Variants in THEMIS observed in about 807,000 individuals in gnomAD.
The protein encoded by THEMIS is thymocyte selection associated, also known as protein THEMIS.
A neutral mutation model predicts 52.6 loss-of-function variants in THEMIS; 37 were observed. That is an observed-to-expected ratio of 0.70 (90% CI 0.54 to 0.93). The LOEUF is 0.93. Ranked by LOEUF, THEMIS falls within the 40% of genes least tolerant of loss-of-function variation. The pLI, the probability that THEMIS is intolerant of heterozygous loss-of-function variation, is 0.00. For missense variants in THEMIS, 808 were observed against 763.1 expected (o/e 1.06, Z -0.69); for synonymous variants, 292 against 272.7 (o/e 1.07, Z -0.70).
At chr6:127,800,985 G>C (rs555915128) in intron 4 of THEMIS, among the ~76,000 whole-genome samples, 3 of 152,122 alleles carry the variant, frequency 2.0e-5, no homozygotes, top group Non-Finnish European at 4.4e-5. Flanking sequence ...AAGTTCTTTC[G>C]TTGGTTTTGG....
intron 4 of THEMIS, among the ~76,000 whole-genome samples, chr6:127,754,059 T>G (rs902968915): frequency 1.3e-5 from 2 of 152,194 alleles, no homozygotes; most frequent in Admixed American, 1.3e-4. Flanking sequence ...ACATTGAATA[T>G]GTGCAGATTT....
intron 4 of THEMIS, among the ~76,000 whole-genome samples, chr6:127,796,736 T>C (rs1777341749): frequency 6.6e-6 from 1 of 152,190 alleles, no homozygotes; most frequent in South Asian, 2.1e-4. Flanking sequence ...CACACATAAA[T>C]ACATGGGTAT....
intron 4 of THEMIS, among the ~76,000 whole-genome samples, chr6:127,767,292 A>C (rs1222315825): frequency 2.0e-5 from 3 of 152,032 alleles, no homozygotes; most frequent in Non-Finnish European, 2.9e-5. Context: ...CTGTTTCACC[A>C]TGTTGGCCAG....
rs1208856463 is a variant in THEMIS at position 127,709,866 on chromosome 6, G to A, written c.*119C>T. The A allele has an allele frequency of 4.5e-5, 37 of 815,640 alleles. No homozygotes were observed. Among genetic ancestry groups the A allele is most frequent in the Admixed American group, 2.7e-4 (9 of 33,164 alleles). 50.5% of individuals were successfully genotyped at this position (815,640 alleles called of 1,614,324 possible). A position where few individuals can be genotyped will look rare whatever the true frequency, so the allele number is the denominator to read the frequency against. On this transcript the variant is annotated 3_prime_UTR_variant, in exon 6 of 6. Coordinates refer to ENST00000368248, the MANE Select transcript of THEMIS (RefSeq NM_001010923.3). Reference sequence around the variant, plus strand: ...TTAAGGTTGTTCTTTCCTTTGCAGCGATGAATCAAGTTTCTTCTGGAGTCC... The same window carrying A: ...TTAAGGTTGTTCTTTCCTTTGCAGCAATGAATCAAGTTTCTTCTGGAGTCC...
Position 127,739,423 on chromosome 6 carries a change from G to A in THEMIS, c.1759-19600C>T, listed in dbSNP as rs1250343944. On this transcript the variant is annotated intron_variant, in intron 4 of 5. Transcript: ENST00000368248. Reference sequence around the variant, plus strand: ...AGCACTTTGGGAGGCCAAGGCAGGCGGATAACGAGGTCAGGAGATTGAGAC... The same window carrying A: ...AGCACTTTGGGAGGCCAAGGCAGGCAGATAACGAGGTCAGGAGATTGAGAC... Among the ~76,000 whole-genome samples the A allele has an allele frequency of 3.9e-5, 6 of 152,126 alleles. 1 individual carries two copies. The East Asian group carries it at 1.2e-3, about 29-fold the overall frequency.
At chr6:127,878,919 T>C (rs1780395257) in intron 1 of THEMIS, among the ~76,000 whole-genome samples, 3 of 152,208 alleles carry the variant, frequency 2.0e-5, no homozygotes, top group Non-Finnish European at 2.9e-5. Context: ...CAGTAGTTAA[T>C]TTCCACTGTC....
chr6:127,798,970 C>A (rs1330772304), intron 4 of THEMIS, among the ~76,000 whole-genome samples: 1 of 131,392 alleles, frequency 7.6e-6, no homozygotes. Flanking sequence ...CCAGCCTGGG[C>A]GACAGAGCGA....
chr6:127,914,170 A>C (rs964620545), intron 1 of THEMIS, among the ~76,000 whole-genome samples: 54 of 152,304 alleles, frequency 3.5e-4, no homozygotes, highest in Middle Eastern at 3.4e-3. Context: ...TTTGACTTCA[A>C]CATGAGGCTA....
chr6:127,775,637 CTT>C (rs1170881603), intron 4 of THEMIS, among the ~76,000 whole-genome samples: 16 of 141,304 alleles, frequency 1.1e-4, no homozygotes, highest in Admixed American at 1.4e-4. Flanking sequence ...TTATTTCATG[CTT>C]TTTTTTTTTT....
intron 2 of THEMIS, among the ~76,000 whole-genome samples, chr6:127,840,648 C>A (rs990467593): frequency 3.9e-5 from 6 of 152,070 alleles, no homozygotes; most frequent in African/African-American, 1.4e-4. Flanking sequence ...AAATCCTGCA[C>A]ATGAATGTTT....
chr6:127,782,806 A>G (rs768151128), intron 4 of THEMIS, among the ~76,000 whole-genome samples: 15 of 152,196 alleles, frequency 9.9e-5, no homozygotes, highest in Non-Finnish European at 1.8e-4. Flanking sequence ...AAAAATGGCC[A>G]TACTGCCCAA....
chr6:127,820,274 A>T (rs571484872), intron 3 of THEMIS, among the ~76,000 whole-genome samples: 1 of 152,222 alleles, frequency 6.6e-6, no homozygotes, highest in Middle Eastern at 3.4e-3. Flanking sequence ...GAGGATAAAG[A>T]CATTTTATGA....
intron 4 of THEMIS, among the ~76,000 whole-genome samples, chr6:127,811,327 T>C (rs1458279658): frequency 6.6e-6 from 1 of 152,222 alleles, no homozygotes; most frequent in Non-Finnish European, 1.5e-5. Flanking sequence ...CTGGAGACTC[T>C]GGGAAAGAAT....
chr6:127,737,373 G>T (rs1184317774), intron 4 of THEMIS, among the ~76,000 whole-genome samples: 1 of 152,120 alleles, frequency 6.6e-6, no homozygotes, highest in Non-Finnish European at 1.5e-5. Context: ...AGCCTCTCAA[G>T]ATCACAGTTG....
intron 3 of THEMIS, among the ~76,000 whole-genome samples, chr6:127,826,595 A>G (rs908606078): frequency 7.2e-5 from 11 of 152,230 alleles, no homozygotes; most frequent in African/African-American, 2.7e-4. Flanking sequence ...TTATCAATCT[A>G]TATGTCAAAA....
At chr6:127,864,160 T>A (rs1461025628) in intron 1 of THEMIS, among the ~76,000 whole-genome samples, 1 of 151,646 alleles carries the variant, frequency 6.6e-6, no homozygotes, top group Non-Finnish European at 1.5e-5. Context: ...AATATAAGAG[T>A]CAAATAATGA....
chr6:127,770,894 T>C (rs1583256570), intron 4 of THEMIS, among the ~76,000 whole-genome samples: 2 of 152,328 alleles, frequency 1.3e-5, no homozygotes, highest in South Asian at 4.1e-4. Flanking sequence ...CTCTATTGCT[T>C]GTTTTTGTTA....
intron 4 of THEMIS, among the ~76,000 whole-genome samples, chr6:127,754,837 C>A (rs2114354725): frequency 6.6e-6 from 1 of 151,844 alleles, no homozygotes; most frequent in South Asian, 2.1e-4. Context: ...TGAATGGTGG[C>A]AACGGTTCAA....
intron 1 of THEMIS, among the ~76,000 whole-genome samples, chr6:127,916,750 TC>T (rs923904090): frequency 2.6e-5 from 4 of 152,208 alleles, no homozygotes; most frequent in African/African-American, 9.7e-5. Flanking sequence ...AAAATAAATT[TC>T]CTTTTTGCTT....
Sources: allele counts gnomAD v4.1 joint callset (sites outside exome capture counted in the v4.1 genomes callset), GRCh38; gene constraint gnomAD v4.1.1; transcripts MANE v1.5; gene names NCBI Gene and HGNC (gene_info 2026-07-23, HGNC 2026-07-21).